The following KAZN variants were observed in gnomAD, a reference collection of about 807,000 sequenced individuals.
KAZN encodes the protein kazrin.
In KAZN, 40 loss-of-function variants were observed where a neutral mutation model predicts 87.4. The ratio of observed to expected loss-of-function variants is 0.46; its 90% CI spans 0.36 to 0.60. The LOEUF (loss-of-function observed/expected upper bound fraction) is 0.60, where lower values mean the gene tolerates loss of function less well. KAZN is among the 20% of genes least tolerant of loss of function. The pLI is 0.00. For synonymous variants in KAZN, 466 were observed against 458.3 expected, an observed-to-expected ratio of 1.02 and a Z score of -0.22; for missense variants, 898 against 1,073.9, an observed-to-expected ratio of 0.84 and a Z score of 2.29.
chr1:14,557,458 T>G (rs1423848190), intron 2 of KAZN, among the ~76,000 whole-genome samples: 1 of 152,154 alleles, frequency 6.6e-6, no homozygotes, highest in African/African-American at 2.4e-5. Flanking sequence ...GTCAGAGAAG[T>G]TGGCATAGGT....
At chr1:14,058,125 C>T (rs1296743197) in intron 1 of KAZN, among the ~76,000 whole-genome samples, 2 of 152,126 alleles carry the variant, frequency 1.3e-5, no homozygotes, top group African/African-American at 4.8e-5. Flanking sequence ...TCCATATGCC[C>T]CACCTGTGTC....
rs545784017 is a variant in KAZN at position 14,237,598 on chromosome 1, C to T, written c.249+57006C>T. On this transcript the variant is annotated intron_variant, in intron 2 of 16. Transcript: ENST00000636203. ...TAATGCAGCATAAATCACCTGTGAACGTGCTAGAGAAAATCATTACAGAAT... is the reference window on the plus strand; with the variant it reads ...TAATGCAGCATAAATCACCTGTGAATGTGCTAGAGAAAATCATTACAGAAT... Among the ~76,000 whole-genome samples, 20 of 152,120 alleles carry T rather than the reference C, an allele frequency of 1.3e-4. No homozygotes were observed. In the South Asian group the frequency reaches 2.1e-3, roughly 16 times the overall value.
chr1:14,579,569 G>T (rs1332335483), intron 2 of KAZN, among the ~76,000 whole-genome samples: 1 of 151,190 alleles, frequency 6.6e-6, no homozygotes, highest in East Asian at 2.0e-4. Flanking sequence ...AGCTTGCGGT[G>T]AGCCGAGATC....
chr1:13,929,488 C>T (rs192467214), intron 1 of KAZN, among the ~76,000 whole-genome samples: 8 of 152,304 alleles, frequency 5.3e-5, no homozygotes, highest in African/African-American at 1.9e-4. Context: ...ATCATTGCGA[C>T]ACCTTCTTTA....
intron 1 of KAZN, among the ~76,000 whole-genome samples, chr1:13,912,146 G>A (rs17351026): frequency 0.075 from 11,481 of 152,290 alleles, 620 homozygotes; most frequent in Non-Finnish European, 0.11. Context: ...ATCAAAGGCA[G>A]CTTCCCAGCC....
chr1:14,363,109 GC>G (rs1236970541), intron 2 of KAZN, among the ~76,000 whole-genome samples: 1 of 152,138 alleles, frequency 6.6e-6, no homozygotes, highest in Non-Finnish European at 1.5e-5. Flanking sequence ...ACTCCAGGGA[GC>G]CATGGTTGCA....
At chr1:14,647,745 T>C (rs544400850) in intron 1 of KAZN, among the ~76,000 whole-genome samples, 1 of 152,350 alleles carries the variant, frequency 6.6e-6, no homozygotes, top group South Asian at 2.1e-4. Flanking sequence ...TTGTAAATGC[T>C]GCAATAAATT....
chr1:14,850,990 C>T (rs1047029680), intron 1 of KAZN, among the ~76,000 whole-genome samples: 2 of 152,234 alleles, frequency 1.3e-5, no homozygotes, highest in Non-Finnish European at 2.9e-5. Context: ...TCCACTCTGT[C>T]CTCCAGGCCC....
intron 2 of KAZN, among the ~76,000 whole-genome samples, chr1:15,029,849 C>G (rs1433520103): frequency 1.3e-5 from 2 of 152,192 alleles, no homozygotes; most frequent in African/African-American, 2.4e-5. Flanking sequence ...GGAGCCCATG[C>G]GACCTGCTGA....
chr1:13,976,151 T>TA (rs1477666162), intron 1 of KAZN, among the ~76,000 whole-genome samples: 1 of 152,214 alleles, frequency 6.6e-6, no homozygotes, highest in Non-Finnish European at 1.5e-5. Flanking sequence ...CTAGAATCCT[T>TA]AGTTTTCAGA....
At chr1:14,454,081 C>T (rs879657076) in intron 2 of KAZN, among the ~76,000 whole-genome samples, 20 of 152,034 alleles carry the variant, frequency 1.3e-4, no homozygotes, top group Non-Finnish European at 2.2e-4. Context: ...TGGTATAAAC[C>T]AATATAGGAA....
rs146557824 is a variant in KAZN at position 13,986,232 on chromosome 1, A to G, written c.91+92476A>G. Among the ~76,000 whole-genome samples the G allele has an allele frequency of 1.2e-4, 19 of 152,374 alleles. No individual in the cohort carries two copies. In the East Asian group the frequency reaches 3.7e-3, roughly 29 times the overall value. On this transcript the variant is annotated intron_variant, in intron 1 of 16. Transcript: ENST00000636203. ...ATTTGATCACGACATAAGATGATAA[A>G]ACTGTAAATATGATTGTATTTTTTC...
chr1:14,307,471 C>G (rs1655008055), intron 2 of KAZN, among the ~76,000 whole-genome samples: 1 of 152,214 alleles, frequency 6.6e-6, no homozygotes, highest in African/African-American at 2.4e-5. Context: ...ACCTATGCTA[C>G]AACTCTGTGG....
At chr1:14,018,641 A>G (rs1473808767) in intron 1 of KAZN, among the ~76,000 whole-genome samples, 1 of 152,122 alleles carries the variant, frequency 6.6e-6, no homozygotes. Flanking sequence ...CCATGTGTAC[A>G]GACACCATCC....
chr1:15,082,149 G>A (rs770611727), intron 8 of KAZN, among the ~76,000 whole-genome samples: 2 of 151,230 alleles, frequency 1.3e-5, no homozygotes, highest in East Asian at 2.0e-4. Context: ...AGTGGCAGCC[G>A]AGGTCCAAGT....
chr1:14,388,055 C>T (rs894186364), intron 2 of KAZN, among the ~76,000 whole-genome samples: 5 of 152,200 alleles, frequency 3.3e-5, no homozygotes, highest in Admixed American at 2.0e-4. Context: ...GCGCAGTATT[C>T]GGGTGGGAGT....
At position 14,244,211 on chromosome 1, in the gene KAZN, C is replaced by G. The variant is rs553739173; in HGVS notation, c.249+63619C>G. 6.6e-5 allele frequency among the ~76,000 whole-genome samples: 10 copies of G among 152,308 alleles called. No homozygotes were observed. The South Asian group carries it at 1.9e-3, about 28-fold the overall frequency. On this transcript the variant is annotated intron_variant, in intron 2 of 16. Coordinates refer to the KAZN transcript ENST00000636203. ...CCTTGGGACACCTGTGTTTCCTGTT[C>G]CCTCCACTTGGATCATTTTTGCTCT...
chr1:14,994,401 G>A (rs1044443825), intron 2 of KAZN, among the ~76,000 whole-genome samples: 9 of 152,210 alleles, frequency 5.9e-5, no homozygotes, highest in South Asian at 2.1e-4. Flanking sequence ...CTAAGGCCCC[G>A]TTGTAGGTGC....
intron 2 of KAZN, among the ~76,000 whole-genome samples, chr1:14,353,380 C>T (rs926829918): frequency 3.6e-4 from 54 of 151,970 alleles, no homozygotes; most frequent in African/African-American, 1.0e-3. Flanking sequence ...CCTGCCACCA[C>T]GCCCGGCTAA....
Sources: allele counts gnomAD v4.1 joint callset (sites outside exome capture counted in the v4.1 genomes callset), GRCh38; gene constraint gnomAD v4.1.1; transcripts MANE v1.5; gene names NCBI Gene and HGNC (gene_info 2026-07-23, HGNC 2026-07-21).